The following GALNT13 variants were observed in gnomAD, a reference collection of about 807,000 sequenced individuals.
The protein encoded by GALNT13 is UDP-GalNAc:polypeptide N-acetylgalactosaminyltransferase 13.
A neutral mutation model predicts 64.2 loss-of-function variants in GALNT13; 28 were observed. That is an observed-to-expected ratio of 0.44 (90% CI 0.32 to 0.60). GALNT13 has a LOEUF of 0.60. Ranked by LOEUF, GALNT13 falls within the 20% of genes least tolerant of loss-of-function variation. The pLI is 0.05. For missense variants in GALNT13, 577 were observed against 669.8 expected, an observed-to-expected ratio of 0.86 and a Z score of 1.53; for synonymous variants, 214 against 224.6, an observed-to-expected ratio of 0.95 and a Z score of 0.42.
the GALNT13 span, among the ~76,000 whole-genome samples, chr2:153,362,071 A>C: frequency 6.6e-6 from 1 of 152,152 alleles, no homozygotes; most frequent in South Asian, 2.1e-4. Context: ...AATATTCAAC[A>C]ATCTTAAAGA....
At chr2:153,118,984 C>A in the GALNT13 span, among the ~76,000 whole-genome samples, 2 of 152,082 alleles carry the variant, frequency 1.3e-5, no homozygotes, top group Non-Finnish European at 2.9e-5. Flanking sequence ...CTATGTTGTT[C>A]TCATGATAGT....
chr2:153,983,367 C>T (rs971208226), intron 3 of GALNT13, among the ~76,000 whole-genome samples: 5 of 151,564 alleles, frequency 3.3e-5, no homozygotes, highest in African/African-American at 1.2e-4. Flanking sequence ...ATAGTTTCTA[C>T]CTAAAAGTTG....
At chr2:154,326,686 C>T (rs932222452) in intron 9 of GALNT13, among the ~76,000 whole-genome samples, 1 of 152,084 alleles carries the variant, frequency 6.6e-6, no homozygotes, top group Non-Finnish European at 1.5e-5. Flanking sequence ...ATCTATATCC[C>T]TTTTTATACT....
At chr2:154,074,224 TA>T (rs1201545803) in intron 3 of GALNT13, among the ~76,000 whole-genome samples, 1 of 151,830 alleles carries the variant, frequency 6.6e-6, no homozygotes, top group Non-Finnish European at 1.5e-5. Flanking sequence ...TTGAAAATCA[TA>T]GTATAAGGTT....
intron 3 of GALNT13, among the ~76,000 whole-genome samples, chr2:154,019,722 T>A (rs1697304413): frequency 6.6e-6 from 1 of 151,720 alleles, no homozygotes; most frequent in African/African-American, 2.4e-5. Flanking sequence ...TTATTATACT[T>A]TAAGTTTTAG....
chr2:153,341,199 G>A, the GALNT13 span, among the ~76,000 whole-genome samples: 1 of 152,140 alleles, frequency 6.6e-6, no homozygotes, highest in East Asian at 1.9e-4. Context: ...ATAATAATAA[G>A]TATTGCATGG....
At chr2:153,969,139 G>T (rs1693576774) in intron 3 of GALNT13, among the ~76,000 whole-genome samples, 1 of 151,372 alleles carries the variant, frequency 6.6e-6, no homozygotes, top group Non-Finnish European at 1.5e-5. Flanking sequence ...TGTATACCAG[G>T]GTCTGTATAC....
chr2:154,353,195 G>C (rs1029744558), intron 9 of GALNT13, among the ~76,000 whole-genome samples: 2 of 151,978 alleles, frequency 1.3e-5, no homozygotes, highest in Non-Finnish European at 2.9e-5. Flanking sequence ...TAGGCTTTTT[G>C]TCAATTTAAA....
chr2:153,419,425 A>C, the GALNT13 span, among the ~76,000 whole-genome samples: 3 of 152,198 alleles, frequency 2.0e-5, no homozygotes, highest in Non-Finnish European at 4.4e-5. Flanking sequence ...TACTGACTGA[A>C]AAAGGCCAGT....
the GALNT13 span, among the ~76,000 whole-genome samples, chr2:153,652,925 TA>T: frequency 2.0e-5 from 3 of 152,046 alleles, no homozygotes; most frequent in African/African-American, 7.2e-5. Context: ...TAAAAAAACT[TA>T]GATGTAGCTG....
At chr2:154,110,526 G>A (rs1292312401) in intron 3 of GALNT13, among the ~76,000 whole-genome samples, 3 of 151,216 alleles carry the variant, frequency 2.0e-5, no homozygotes, top group South Asian at 2.1e-4. Flanking sequence ...CTAGGAGTCC[G>A]ATGTTCGAGG....
the GALNT13 span, among the ~76,000 whole-genome samples, chr2:153,521,008 T>C: frequency 6.6e-6 from 1 of 152,200 alleles, no homozygotes; most frequent in Non-Finnish European, 1.5e-5. Flanking sequence ...TTTTGGTGCA[T>C]GACAGATTTA....
chr2:153,491,387 G>T, the GALNT13 span, among the ~76,000 whole-genome samples: 2 of 151,908 alleles, frequency 1.3e-5, no homozygotes, highest in Admixed American at 6.6e-5. Flanking sequence ...TAATAGTAAA[G>T]ACATTAATTA....
chr2:154,443,552 C>A lies in GALNT13; in HGVS notation c.1530+4826C>A, dbSNP rs1312548197. ...TACTATACCAACTTTTAAACTGAGA[C>A]CTGTGCGATTGGCTCTTAAATCAAC... On this transcript the variant is annotated intron_variant, in intron 12 of 12. Coordinates refer to ENST00000392825, the MANE Select transcript of GALNT13 (RefSeq NM_052917.4). Among the ~76,000 whole-genome samples the A allele has an allele frequency of 2.0e-5, 3 of 151,900 alleles. No individual in the cohort carries two copies. In the East Asian group the frequency reaches 5.8e-4, roughly 29 times the overall value.
the GALNT13 span, among the ~76,000 whole-genome samples, chr2:153,826,088 C>T: frequency 6.6e-6 from 1 of 152,168 alleles, no homozygotes; most frequent in African/African-American, 2.4e-5. Flanking sequence ...CTACCCAATA[C>T]ATAAAATTTA....
chr2:153,701,070 C>T, the GALNT13 span, among the ~76,000 whole-genome samples: 1 of 152,106 alleles, frequency 6.6e-6, no homozygotes, highest in African/African-American at 2.4e-5. Flanking sequence ...AAGCTAAAGG[C>T]ATCATGCTGT....
chr2:153,751,453 T>C, the GALNT13 span, among the ~76,000 whole-genome samples: 1 of 151,888 alleles, frequency 6.6e-6, no homozygotes, highest in Admixed American at 6.6e-5. Context: ...ATTATTGTAC[T>C]GGGGCCTATC....
intron 3 of GALNT13, among the ~76,000 whole-genome samples, chr2:153,979,170 A>G (rs1042235524): frequency 6.6e-6 from 1 of 152,128 alleles, no homozygotes; most frequent in Non-Finnish European, 1.5e-5. Flanking sequence ...GCTCACACAC[A>G]ATTTCTTAAA....
At chr2:154,277,744 C>T (rs1350986782) in intron 8 of GALNT13, among the ~76,000 whole-genome samples, 1 of 151,998 alleles carries the variant, frequency 6.6e-6, no homozygotes, top group Non-Finnish European at 1.5e-5. Context: ...TTCAGTACTA[C>T]CCTTAAAAAT....
Sources: allele counts gnomAD v4.1 joint callset (sites outside exome capture counted in the v4.1 genomes callset), GRCh38; gene constraint gnomAD v4.1.1; transcripts MANE v1.5; gene names NCBI Gene and HGNC (gene_info 2026-07-23, HGNC 2026-07-21).